CHODL: variants seen among roughly 807,000 people sequenced by gnomAD.
The protein encoded by CHODL is chondrolectin, also known as transmembrane protein MT75.
CHODL carries 29 observed loss-of-function variants against 34.5 expected under a neutral mutation model. The observed-to-expected ratio is 0.84, with a 90% CI of 0.63 to 1.15. CHODL has a LOEUF of 1.15. CHODL is among the 50% of genes most tolerant of loss of function. CHODL has a pLI of 0.00. For synonymous variants in CHODL, 125 were observed against 116.1 expected, an observed-to-expected ratio of 1.08 and a Z score of -0.49; for missense variants, 332 against 332.5, an observed-to-expected ratio of 1.00 and a Z score of 0.01.
intron 2 of CHODL, among the ~76,000 whole-genome samples, chr21:18,205,059 G>A (rs142166925): frequency 2.0e-5 from 3 of 152,276 alleles, no homozygotes; most frequent in African/African-American, 7.2e-5. Flanking sequence ...TTACCTAACA[G>A]GTGCCACTAG....
chr21:18,216,991 C>T (rs114231836), intron 2 of CHODL, among the ~76,000 whole-genome samples: 3 of 152,176 alleles, frequency 2.0e-5, no homozygotes, highest in Non-Finnish European at 4.4e-5. Context: ...AGGATTTCAT[C>T]CTTTTTTATT....
Position 18,256,580 on chromosome 21 carries a change from C to A in CHODL, c.151C>A (p.Arg51=), listed in dbSNP as rs561040335. Residue 51 remains arginine, a synonymous_variant, in exon 2 of 6, where the codon CGA becomes AGA. Coordinates refer to ENST00000299295, the MANE Select transcript of CHODL (RefSeq NM_024944.3). ...GGCCTACTTCCATGAACTGTCCAGC[C>A]GAGTGAGCTTTCAGGAGGCACGCCT... ...KMAYFHELSS[R]VSFQEARLAC... The A allele has an allele frequency of 6.2e-7, 1 of 1,613,634 alleles. No individual in the cohort carries two copies. Among genetic ancestry groups the A allele is most frequent in the Non-Finnish European group, 8.5e-7 (1 of 1,179,954 alleles).
chr21:18,165,119 A>G (rs2073137327), intron 2 of CHODL, among the ~76,000 whole-genome samples: 1 of 151,992 alleles, frequency 6.6e-6, no homozygotes, highest in Non-Finnish European at 1.5e-5. Context: ...TCTATTCACT[A>G]GATGTCAGTA....
chr21:18,234,661 T>C (rs1008788586), intron 2 of CHODL, among the ~76,000 whole-genome samples: 2 of 152,012 alleles, frequency 1.3e-5, no homozygotes, highest in African/African-American at 4.8e-5. Context: ...TGCTGATGTA[T>C]GGGCACAAAG....
chr21:18,255,536 G>A (rs2074305176), intron 1 of CHODL, among the ~76,000 whole-genome samples: 2 of 151,966 alleles, frequency 1.3e-5, no homozygotes, highest in Non-Finnish European at 2.9e-5. Flanking sequence ...TAATTTAACT[G>A]TCTTTGAAAG....
intron 2 of CHODL, among the ~76,000 whole-genome samples, chr21:18,237,409 G>A (rs2074038459): frequency 6.6e-6 from 1 of 152,066 alleles, no homozygotes; most frequent in African/African-American, 2.4e-5. Context: ...CAGGTTACAT[G>A]GATTACTCTT....
chr21:18,089,350 T>A (rs865881283), intron 2 of CHODL, among the ~76,000 whole-genome samples: 100 of 152,300 alleles, frequency 6.6e-4, no homozygotes, highest in African/African-American at 2.2e-3. Flanking sequence ...TTCAGCTTCA[T>A]AACATTTATG....
At chr21:18,244,478 A>G (rs922199881), upstream of CHODL, among the ~76,000 whole-genome samples, 1 of 152,256 alleles carries the variant, frequency 6.6e-6, no homozygotes, top group Non-Finnish European at 1.5e-5. Flanking sequence ...AATACATATG[A>G]TTAAGCAATT....
intron 2 of CHODL, among the ~76,000 whole-genome samples, chr21:18,051,860 T>G (rs1245275895): frequency 6.6e-6 from 1 of 151,946 alleles, no homozygotes; most frequent in Non-Finnish European, 1.5e-5. Context: ...AGAATCTTGT[T>G]TTTATATAAG....
intron 2 of CHODL, among the ~76,000 whole-genome samples, chr21:18,190,350 G>A (rs1196855993): frequency 6.6e-6 from 1 of 152,116 alleles, no homozygotes; most frequent in East Asian, 1.9e-4. Context: ...TAGAAATCCA[G>A]TTCCATTGAA....
chr21:17,986,839 T>C (rs1436380154), intron 1 of CHODL, among the ~76,000 whole-genome samples: 2 of 152,118 alleles, frequency 1.3e-5, no homozygotes, highest in East Asian at 1.9e-4. Context: ...ATTATTTCCA[T>C]CTAGATTGCT....
At chr21:18,161,194 A>C (rs1231634506) in intron 2 of CHODL, among the ~76,000 whole-genome samples, 1 of 151,866 alleles carries the variant, frequency 6.6e-6, no homozygotes, top group Non-Finnish European at 1.5e-5. Context: ...TTTTTTGGTA[A>C]ATTTGTTTAA....
At chr21:18,073,444 A>G (rs968000406) in intron 2 of CHODL, among the ~76,000 whole-genome samples, 39 of 152,150 alleles carry the variant, frequency 2.6e-4, no homozygotes, top group African/African-American at 9.4e-4. Context: ...CATCTTTTGC[A>G]TCAGTAATGT....
At chr21:18,072,186 AT>A (rs2064813816) in intron 2 of CHODL, among the ~76,000 whole-genome samples, 2 of 150,232 alleles carry the variant, frequency 1.3e-5, no homozygotes, top group South Asian at 4.3e-4. Flanking sequence ...AACAACGTTA[AT>A]TCTAAAACTA....
intron 2 of CHODL, among the ~76,000 whole-genome samples, chr21:18,057,635 AC>A (rs2064599983): frequency 6.6e-6 from 1 of 151,616 alleles, no homozygotes; most frequent in South Asian, 2.1e-4. Context: ...GCCCTAAAAA[AC>A]CCCCTGTGCC....
chr21:18,221,973 G>A (rs984314436), intron 2 of CHODL, among the ~76,000 whole-genome samples: 4 of 152,216 alleles, frequency 2.6e-5, no homozygotes, highest in Admixed American at 2.6e-4. Flanking sequence ...AGTATTGGCA[G>A]TGGGGGAGTG....
intron 2 of CHODL, among the ~76,000 whole-genome samples, chr21:18,042,601 C>T (rs157743): frequency 0.55 from 83,464 of 151,720 alleles, 24,183 homozygotes; most frequent in East Asian, 0.87. Flanking sequence ...AGCTTAGTGA[C>T]CTCTCCTTTA....
intron 2 of CHODL, among the ~76,000 whole-genome samples, chr21:18,177,021 G>C (rs1480073627): frequency 6.6e-6 from 1 of 151,970 alleles, no homozygotes; most frequent in Non-Finnish European, 1.5e-5. Flanking sequence ...AGAGAGTCTT[G>C]AGCTATGAGG....
intron 1 of CHODL, chr21:18,246,048 T>G: frequency 1.0e-6 from 1 of 982,252 alleles, no homozygotes; most frequent in Non-Finnish European, 1.6e-6. Flanking sequence ...TTGTCTTTGA[T>G]TTTTCTTTTT....
Sources: gnomAD v4.1 joint callset for allele counts (sites outside exome capture counted in the v4.1 genomes callset) on GRCh38, gnomAD v4.1.1 for gene constraint, MANE v1.5 for transcripts, NCBI Gene and HGNC (gene_info 2026-07-23, HGNC 2026-07-21) for gene names.